POU6F2: variants seen among roughly 807,000 people sequenced by gnomAD.
POU6F2 encodes POU domain, class 6, transcription factor 2.
Under a neutral mutation model 71.3 loss-of-function variants are expected in POU6F2, and 31 were observed. The observed-to-expected ratio is 0.43, with a 90% CI of 0.33 to 0.59. The LOEUF is 0.59. POU6F2 is among the 20% of genes least tolerant of loss of function. The probability of loss-of-function intolerance (pLI) is 0.04; values close to 1 mark genes in which losing one functional copy is unlikely to be tolerated. For synonymous variants in POU6F2, 347 were observed against 355.7 expected (o/e 0.98, Z 0.27); for missense variants, 783 against 856.8 (o/e 0.91, Z 1.07).
chr7:39,449,136 T>G (rs2299123), intron 7 of POU6F2, among the ~76,000 whole-genome samples: 48,220 of 152,038 alleles, frequency 0.32, 8,320 homozygotes, highest in East Asian at 0.58. Context: ...AAATGCAACC[T>G]CAGGCAATTC....
chr7:39,283,431 C>T, intron 4 of POU6F2, among the ~76,000 whole-genome samples: 1 of 152,158 alleles, frequency 6.6e-6, no homozygotes, highest in East Asian at 1.9e-4. Context: ...TCCCCATTCC[C>T]TCCACTCCCA....
chr7:39,037,008 A>T (rs1271874451), intron 1 of POU6F2, among the ~76,000 whole-genome samples: 1 of 152,044 alleles, frequency 6.6e-6, no homozygotes, highest in Non-Finnish European at 1.5e-5. Context: ...CCTGATACAA[A>T]GCATACTCTT....
chr7:39,244,994 A>G (rs1274444590), intron 4 of POU6F2, among the ~76,000 whole-genome samples: 1 of 152,236 alleles, frequency 6.6e-6, no homozygotes, highest in Non-Finnish European at 1.5e-5. Context: ...ACTTCACAGC[A>G]GCCCATGAAA....
intron 2 of POU6F2, among the ~76,000 whole-genome samples, chr7:39,179,913 A>G (rs985470855): frequency 2.0e-5 from 3 of 152,208 alleles, no homozygotes; most frequent in Admixed American, 6.5e-5. Flanking sequence ...GGATAATAAT[A>G]CTTGCTCTAC....
chr7:39,266,180 G>A (rs1470253388), intron 4 of POU6F2, among the ~76,000 whole-genome samples: 2 of 152,114 alleles, frequency 1.3e-5, no homozygotes, highest in African/African-American at 4.8e-5. Flanking sequence ...AAGTTCCCTT[G>A]GCAAAGAGCC....
chr7:39,246,372 G>A (rs769898864), intron 4 of POU6F2, among the ~76,000 whole-genome samples: 1 of 152,096 alleles, frequency 6.6e-6, no homozygotes, highest in African/African-American at 2.4e-5. Flanking sequence ...CTACCAAAGG[G>A]GAAAACAGTG....
intron 5 of POU6F2, among the ~76,000 whole-genome samples, chr7:39,360,299 T>C (rs1786351253): frequency 6.6e-6 from 1 of 152,224 alleles, no homozygotes; most frequent in South Asian, 2.1e-4. Context: ...TTAGTACTAG[T>C]TAACTTGGTG....
Position 39,086,821 on chromosome 7 carries a change from G to A in POU6F2, c.277+790G>A, listed in dbSNP as rs114679629. ...GTGATCTCTAATCAGAAAGGGGAGC[G>A]GGTTGTTGAGGCGCGTGCCTGAGTG... On this transcript the variant is annotated intron_variant, in intron 2 of 9. Transcript: ENST00000518318. Among the ~76,000 whole-genome samples, 1,282 of 152,220 alleles carry A rather than the reference G, an allele frequency of 8.4e-3. 24 individuals carry two copies. Among genetic ancestry groups the A allele is most frequent in the African/African-American group, 0.029 (1,209 of 41,544 alleles).
intron 2 of POU6F2, among the ~76,000 whole-genome samples, chr7:39,117,843 A>T (rs1050536234): frequency 8.5e-5 from 13 of 152,146 alleles, no homozygotes; most frequent in African/African-American, 2.9e-4. Context: ...CATGAGCCTT[A>T]CTGTCTGGGG....
chr7:39,063,578 G>T (rs1006693930), intron 1 of POU6F2, among the ~76,000 whole-genome samples: 2 of 152,142 alleles, frequency 1.3e-5, no homozygotes, highest in East Asian at 3.9e-4. Context: ...GAAGAACAAT[G>T]CAAGACTTCT....
intron 4 of POU6F2, among the ~76,000 whole-genome samples, chr7:39,226,016 A>G (rs1794455176): frequency 6.6e-6 from 1 of 151,626 alleles, no homozygotes; most frequent in African/African-American, 2.4e-5. Context: ...TACATTAAGG[A>G]TGTTGGAGAA....
intron 4 of POU6F2, among the ~76,000 whole-genome samples, chr7:39,240,315 AC>A (rs1212590184): frequency 1.3e-5 from 2 of 152,098 alleles, no homozygotes; most frequent in African/African-American, 4.8e-5. Context: ...AATCTAAAGA[AC>A]TTTATGGAAA....
At chr7:39,210,127 C>T (rs765575506) in intron 4 of POU6F2, among the ~76,000 whole-genome samples, 23 of 152,080 alleles carry the variant, frequency 1.5e-4, no homozygotes, top group Non-Finnish European at 2.9e-4. Context: ...TAAGTCTGCT[C>T]GTCTATAATA....
At chr7:39,174,553 C>T (rs369390176) in intron 2 of POU6F2, among the ~76,000 whole-genome samples, 2 of 152,156 alleles carry the variant, frequency 1.3e-5, no homozygotes, top group African/African-American at 4.8e-5. Flanking sequence ...GTCTTTTCCT[C>T]CTGTTCCAAG....
chr7:39,232,462 G>A (rs555561394), intron 4 of POU6F2, among the ~76,000 whole-genome samples: 1 of 152,218 alleles, frequency 6.6e-6, no homozygotes, highest in African/African-American at 2.4e-5. Flanking sequence ...AACAAAGGAG[G>A]TGTCTCTAAA....
intron 1 of POU6F2, among the ~76,000 whole-genome samples, chr7:39,015,960 ATATT>A (rs1439948382): frequency 6.8e-5 from 6 of 87,862 alleles, no homozygotes; most frequent in African/African-American, 1.4e-4. Flanking sequence ...TATATATTGT[ATATT>A]GATATATATT....
intron 1 of POU6F2, among the ~76,000 whole-genome samples, chr7:39,024,605 C>T (rs1267416158): frequency 1.3e-5 from 2 of 152,122 alleles, no homozygotes; most frequent in Admixed American, 6.5e-5. Flanking sequence ...GGAATGCTTC[C>T]AGTTTTTGCC....
At chr7:39,444,773 T>C (rs1218272340) in intron 7 of POU6F2, among the ~76,000 whole-genome samples, 1 of 152,226 alleles carries the variant, frequency 6.6e-6, no homozygotes, top group African/African-American at 2.4e-5. Context: ...GAGGCCCTGT[T>C]TTCTTTCCCC....
intron 4 of POU6F2, among the ~76,000 whole-genome samples, chr7:39,236,875 T>G (rs1227863827): frequency 1.3e-5 from 2 of 152,242 alleles, no homozygotes; most frequent in Non-Finnish European, 2.9e-5. Flanking sequence ...AAGTATCCTT[T>G]ATTTTTTATA....
Sources: allele counts gnomAD v4.1 joint callset (sites outside exome capture counted in the v4.1 genomes callset), GRCh38; gene constraint gnomAD v4.1.1; transcripts MANE v1.5; gene names NCBI Gene and HGNC (gene_info 2026-07-23, HGNC 2026-07-21).